SLC2A9: variants seen among roughly 807,000 people sequenced by gnomAD.
SLC2A9 encodes solute carrier family 2, facilitated glucose transporter member 9.
SLC2A9 carries 39 observed loss-of-function variants against 50.6 expected under a neutral mutation model. The observed-to-expected ratio is 0.77, with a 90% confidence interval of 0.60 to 1.01. The LOEUF (loss-of-function observed/expected upper bound fraction) is 1.01. Ranked by LOEUF, SLC2A9 falls within the 50% of genes least tolerant of loss-of-function variation. SLC2A9 has a pLI of 0.00. For synonymous variants in SLC2A9, 324 were observed against 276.9 expected (o/e 1.17, Z -1.69); for missense variants, 686 against 677.6 (o/e 1.01, Z -0.14).
At chr4:9,998,724 T>C (rs963903977) in intron 2 of SLC2A9, among the ~76,000 whole-genome samples, 2 of 152,168 alleles carry the variant, frequency 1.3e-5, no homozygotes, top group Non-Finnish European at 2.9e-5. Flanking sequence ...TTGCACATAA[T>C]AACTCCAGAC....
At chr4:9,937,755 C>CT (rs1747349697) in intron 6 of SLC2A9, among the ~76,000 whole-genome samples, 1 of 152,212 alleles carries the variant, frequency 6.6e-6, no homozygotes, top group African/African-American at 2.4e-5. Flanking sequence ...GACAGCAGGG[C>CT]CTGAAGAGCC....
At chr4:9,998,281 C>T (rs903508768) in intron 2 of SLC2A9, among the ~76,000 whole-genome samples, 3 of 152,178 alleles carry the variant, frequency 2.0e-5, no homozygotes, top group Non-Finnish European at 2.9e-5. Flanking sequence ...CAGTATATGA[C>T]ACTGCAGAAA....
intron 1 of SLC2A9, chr4:10,019,346 C>G (rs904494724): frequency 5.4e-5 from 29 of 540,578 alleles, no homozygotes; most frequent in Non-Finnish European, 9.7e-5. Context: ...ACGCAGTTTT[C>G]AGCAGCTGCT....
Position 10,018,995 on chromosome 4 carries a change from C to A in SLC2A9, c.229G>T (p.Val77Leu), listed in dbSNP as rs1238082005. ...SSFLYGYNLS[V>L]VNAPTPYIKA... ...CTCACCGGGGTGGGGGCATTCACCA[C>A]CGACAGGTTGTAGCCGTAGAGGAAG... Residue 77 changes from valine (V) to leucine (L), a missense_variant, in exon 2 of 12, where the codon GTG becomes TTG. Val to Leu is a conservative substitution (Grantham distance 32, BLOSUM62 1). Coordinates refer to ENST00000264784, the MANE Select transcript of SLC2A9 (RefSeq NM_020041.3). The A allele has an allele frequency of 6.5e-7, 1 of 1,550,240 alleles. No homozygotes were observed. Among genetic ancestry groups the A allele is most frequent in the Non-Finnish European group, 8.7e-7 (1 of 1,146,930 alleles).
intron 8 of SLC2A9, among the ~76,000 whole-genome samples, chr4:9,906,601 C>T (rs190792653): frequency 1.5e-4 from 23 of 152,308 alleles, no homozygotes; most frequent in African/African-American, 5.1e-4. Flanking sequence ...GCCAAACTTC[C>T]TTGGGTAGTA....
intron 10 of SLC2A9, among the ~76,000 whole-genome samples, chr4:9,844,785 A>C (rs1178615704): frequency 6.6e-6 from 1 of 152,246 alleles, no homozygotes; most frequent in Non-Finnish European, 1.5e-5. Flanking sequence ...ATGTGACCAC[A>C]TGTATCTATG....
At chr4:9,875,043 G>T (rs199833945) in intron 10 of SLC2A9, among the ~76,000 whole-genome samples, 42 of 61,778 alleles carry the variant, frequency 6.8e-4, no homozygotes, top group Non-Finnish European at 1.3e-3. Context: ...ATAGGTTAGC[G>T]TCTGTCTAAG....
At chr4:9,939,161 C>A (rs973004812) in intron 6 of SLC2A9, among the ~76,000 whole-genome samples, 1 of 152,166 alleles carries the variant, frequency 6.6e-6, no homozygotes, top group African/African-American at 2.4e-5. Flanking sequence ...ATGTGCCCTG[C>A]TGGCCAGCTG....
At chr4:9,908,719 C>A (rs1221500680) in intron 7 of SLC2A9, among the ~76,000 whole-genome samples, 1 of 152,094 alleles carries the variant, frequency 6.6e-6, no homozygotes, top group Non-Finnish European at 1.5e-5. Context: ...CACCCCACAA[C>A]AGGCCCTGGT....
chr4:9,819,682 C>T lies in SLC2A9; in HGVS notation n.420+6738G>A, dbSNP rs550053005. Among the ~76,000 whole-genome samples the T allele has an allele frequency of 2.6e-5, 4 of 152,346 alleles. No individual in the cohort carries two copies. In the South Asian group the frequency reaches 8.3e-4, roughly 32 times the overall value. On this transcript the variant is annotated intron_variant and non_coding_transcript_variant, in intron 3 of 3. Transcript: ENST00000503280. ...GGTGTGGTGGCTCATGCCTGTAATC[C>T]CAGCACTTTGGGAGGCCAAGGCGTG...
chr4:9,821,936 T>C (rs1241330238), downstream of SLC2A9, among the ~76,000 whole-genome samples: 1 of 152,248 alleles, frequency 6.6e-6, no homozygotes, highest in Non-Finnish European at 1.5e-5. Context: ...TCAGGTTATC[T>C]ATTTTTTCTT....
chr4:9,799,692 A>ACCCCCCCCCCCCCCCCCCCC (rs57223650), intron 3 of SLC2A9, among the ~76,000 whole-genome samples: 42 of 69,844 alleles, frequency 6.0e-4, no homozygotes, highest in African/African-American at 1.1e-3. Context: ...TTCCAATTGT[A>ACCCCCCCCCCCCCCCCCCCC]CCCCCCCCCC....
intron 10 of SLC2A9, among the ~76,000 whole-genome samples, chr4:9,880,887 T>C (rs1735086314): frequency 6.6e-6 from 1 of 152,240 alleles, no homozygotes; most frequent in African/African-American, 2.4e-5. Flanking sequence ...CTGGTGTCTC[T>C]GCCTCCAGTT....
intron 10 of SLC2A9, among the ~76,000 whole-genome samples, chr4:9,837,077 C>A (rs184343328): frequency 2.8e-4 from 43 of 152,070 alleles, no homozygotes; most frequent in Admixed American, 7.9e-4. Flanking sequence ...AAAAACAACT[C>A]GGAATGGAGC....
At chr4:9,784,200 C>CT (rs917142969) in intron 3 of SLC2A9, among the ~76,000 whole-genome samples, 6 of 152,218 alleles carry the variant, frequency 3.9e-5, no homozygotes, top group African/African-American at 1.4e-4. Flanking sequence ...TCTCAGGTTT[C>CT]TTTTTATTAC....
chr4:9,794,423 G>A (rs1237380880), downstream of SLC2A9, among the ~76,000 whole-genome samples: 1 of 152,172 alleles, frequency 6.6e-6, no homozygotes, highest in African/African-American at 2.4e-5. Context: ...CAAGTGCTGG[G>A]ATTACAGGTG....
chr4:9,845,930 T>G (rs1326938656), intron 10 of SLC2A9, among the ~76,000 whole-genome samples: 2 of 152,244 alleles, frequency 1.3e-5, no homozygotes. Context: ...TAAATAGACT[T>G]AATCTTGTTC....
intron 2 of SLC2A9, among the ~76,000 whole-genome samples, chr4:10,002,629 G>C (rs1760041492): frequency 6.6e-6 from 1 of 152,254 alleles, no homozygotes; most frequent in Non-Finnish European, 1.5e-5. Flanking sequence ...AAGGCAGGCA[G>C]ATCACCTGAG....
chr4:9,882,131 G>A (rs1735316441), intron 10 of SLC2A9, among the ~76,000 whole-genome samples: 1 of 152,232 alleles, frequency 6.6e-6, no homozygotes, highest in South Asian at 2.1e-4. Context: ...CCTCAGCCAA[G>A]CTGATCTGAC....
Sources: allele counts gnomAD v4.1 joint callset (sites outside exome capture counted in the v4.1 genomes callset), GRCh38; gene constraint gnomAD v4.1.1; transcripts MANE v1.5; gene names NCBI Gene and HGNC (gene_info 2026-07-23, HGNC 2026-07-21).